CNBD1: variants seen among roughly 807,000 people sequenced by gnomAD.
The protein encoded by CNBD1 is cyclic nucleotide binding domain containing 1, also known as cyclic nucleotide-binding domain-containing protein 1.
A neutral mutation model predicts 54.4 loss-of-function variants in CNBD1; 71 were observed. The observed-to-expected ratio is 1.30, with a 90% confidence interval of 1.08 to 1.59. CNBD1 has a LOEUF of 1.59. Among genes scored for constraint, CNBD1 ranks in the 40% most tolerant of loss-of-function variants. CNBD1 has a pLI of 0.00. For missense variants in CNBD1, 659 were observed against 518.0 expected, an observed-to-expected ratio of 1.27 and a Z score of -2.64; for synonymous variants, 182 against 170.7, an observed-to-expected ratio of 1.07 and a Z score of -0.51.
chr8:87,410,991 T>G (rs1040592302), intron 2 of CNBD1, among the ~76,000 whole-genome samples: 1 of 152,150 alleles, frequency 6.6e-6, no homozygotes. Flanking sequence ...ATACTGCTAT[T>G]GCACTTAATA....
rs564531236 is a variant in CNBD1, at chr8:86,939,761, A to G, written c.431+7A>G. The G allele has an allele frequency of 2.0e-6, 3 of 1,470,538 alleles. No individual in the cohort carries two copies. In the East Asian group the frequency reaches 7.1e-5, roughly 35 times the overall value. The allele number at this position is 1,470,538 out of a possible 1,614,324, so 91.1% of individuals were successfully genotyped here. ...TAGCTATCTTAAAGAAATTGTAAGT[A>G]TTTAAAATATATTCCTTCTTCTAAT... On this transcript the variant is annotated splice_region_variant and intron_variant, in intron 4 of 10. Coordinates refer to ENST00000518476, the MANE Select transcript of CNBD1 (RefSeq NM_173538.3).
At chr8:87,088,981 A>C (rs1170144086) in intron 4 of CNBD1, among the ~76,000 whole-genome samples, 1 of 152,198 alleles carries the variant, frequency 6.6e-6, no homozygotes, top group Non-Finnish European at 1.5e-5. Flanking sequence ...TCAGAATACA[A>C]AGGAGAAGAG....
At chr8:87,247,269 G>A (rs1018970733) in intron 6 of CNBD1, among the ~76,000 whole-genome samples, 2 of 152,152 alleles carry the variant, frequency 1.3e-5, no homozygotes, top group Non-Finnish European at 2.9e-5. Context: ...CAAATGAGTT[G>A]CAGATCCATT....
chr8:86,964,512 G>T (rs1234702280), intron 4 of CNBD1, among the ~76,000 whole-genome samples: 1 of 152,194 alleles, frequency 6.6e-6, no homozygotes, highest in Non-Finnish European at 1.5e-5. Flanking sequence ...AGTTCAAATA[G>T]TTAGGTTAAG....
intron 8 of CNBD1, among the ~76,000 whole-genome samples, chr8:87,330,233 T>C (rs1205556736): frequency 6.7e-6 from 1 of 148,828 alleles, no homozygotes; most frequent in South Asian, 2.1e-4. Flanking sequence ...CCTTCTCTCT[T>C]TTTTTTTTTT....
rs1811358791 is a variant in CNBD1, at chr8:87,098,320, T to C, written c.432-107673T>C. Among the ~76,000 whole-genome samples the C allele has an allele frequency of 2.0e-5, 3 of 152,218 alleles. No individual in the cohort carries two copies. In the South Asian group the frequency reaches 6.2e-4, roughly 31 times the overall value. ...TAACTACACAAGGCACTGTGCCAAATATTTTAAATAAAATAGTGAACAAAA... is the reference window on the plus strand; with the variant it reads ...TAACTACACAAGGCACTGTGCCAAACATTTTAAATAAAATAGTGAACAAAA... On this transcript the variant is annotated intron_variant, in intron 4 of 10. Transcript: ENST00000518476.
intron 2 of CNBD1, among the ~76,000 whole-genome samples, chr8:87,388,725 G>C (rs1811245816): frequency 6.6e-6 from 1 of 152,188 alleles, no homozygotes; most frequent in African/African-American, 2.4e-5. Flanking sequence ...AATAGAAAAA[G>C]AGGGAATCCT....
Position 87,144,418 on chromosome 8 carries a change from C to A in CNBD1, c.432-61575C>A, listed in dbSNP as rs150953465. ...CAATGACTTCAGATATTGGAATGAT[C>A]AAATTTAAGATATAAATTACTTTGA... On this transcript the variant is annotated intron_variant, in intron 4 of 10. Coordinates refer to ENST00000518476, the MANE Select transcript of CNBD1 (RefSeq NM_173538.3). Among the ~76,000 whole-genome samples the A allele has an allele frequency of 2.8e-3, 422 of 151,926 alleles. 3 individuals are homozygous for A. Among genetic ancestry groups the A allele is most frequent in the African/African-American group, 9.1e-3 (377 of 41,448 alleles).
At chr8:87,376,890 C>A (rs1334304332) in intron 10 of CNBD1, among the ~76,000 whole-genome samples, 4 of 151,640 alleles carry the variant, frequency 2.6e-5, no homozygotes, top group Non-Finnish European at 5.9e-5. Context: ...AAAATCAGAA[C>A]CTTAGAAAGA....
At chr8:87,052,743 G>A (rs1165742969) in intron 4 of CNBD1, among the ~76,000 whole-genome samples, 2 of 152,144 alleles carry the variant, frequency 1.3e-5, no homozygotes, top group Non-Finnish European at 2.9e-5. Context: ...TTTCTCCACA[G>A]CAGTCAGGGT....
At chr8:87,274,152 T>C (rs1027880701) in intron 6 of CNBD1, among the ~76,000 whole-genome samples, 26 of 151,968 alleles carry the variant, frequency 1.7e-4, no homozygotes, top group Admixed American at 1.5e-3. Context: ...TGCCACATTT[T>C]CTTAATCCAG....
At chr8:87,266,654 G>T (rs1808265418) in intron 6 of CNBD1, among the ~76,000 whole-genome samples, 2 of 151,590 alleles carry the variant, frequency 1.3e-5, no homozygotes, top group South Asian at 4.2e-4. Flanking sequence ...TTCTCTCCAT[G>T]TTGGTCAGGC....
At chr8:87,376,736 C>A (rs1810948509) in intron 10 of CNBD1, among the ~76,000 whole-genome samples, 1 of 151,808 alleles carries the variant, frequency 6.6e-6, no homozygotes, top group Admixed American at 6.6e-5. Context: ...TTATTAAACC[C>A]ATTTTATAGG....
At chr8:87,381,085 C>T (rs1276084386) in intron 10 of CNBD1, among the ~76,000 whole-genome samples, 5 of 151,974 alleles carry the variant, frequency 3.3e-5, no homozygotes, top group African/African-American at 7.2e-5. Context: ...GAACCAATCA[C>T]CAGAGCAAAG....
At chr8:87,015,472 A>C (rs1399288129) in intron 4 of CNBD1, among the ~76,000 whole-genome samples, 4 of 152,110 alleles carry the variant, frequency 2.6e-5, no homozygotes, top group African/African-American at 7.2e-5. Flanking sequence ...GGCGTGATCC[A>C]TCATGCCCAG....
chr8:87,096,808 T>C lies in CNBD1; in HGVS notation c.432-109185T>C, dbSNP rs934667670. On this transcript the variant is annotated intron_variant, in intron 4 of 10. Coordinates refer to ENST00000518476, the MANE Select transcript of CNBD1 (RefSeq NM_173538.3). Reference sequence around the variant, plus strand: ...GACTCTGCTCATTTTTCTTCCCTTTTTTTTTTTTTACCTTTTCCTCTCCAC... The same window carrying C: ...GACTCTGCTCATTTTTCTTCCCTTTCTTTTTTTTTACCTTTTCCTCTCCAC... Among the ~76,000 whole-genome samples, 3 of 152,078 alleles carry C rather than the reference T, an allele frequency of 2.0e-5. No individual in the cohort carries two copies. The South Asian group carries it at 6.2e-4, about 31-fold the overall frequency.
At position 87,351,808 on chromosome 8, in the gene CNBD1, A is replaced by T; in HGVS notation, c.1152+14A>T. The T allele has an allele frequency of 2.1e-6, 3 of 1,458,416 alleles. No individual in the cohort carries two copies. The highest frequency in any genetic ancestry group is 2.7e-6 in the Non-Finnish European group (3 of 1,107,836). 90.3% of individuals were successfully genotyped at this position (1,458,416 alleles called of 1,614,324 possible). Reference sequence around the variant, plus strand: ...TCAAATAAAGTGGTAAGTTTTCAACATGTATTCTTTTTAATCAATTAATCT... The same window carrying T: ...TCAAATAAAGTGGTAAGTTTTCAACTTGTATTCTTTTTAATCAATTAATCT... On this transcript the variant is annotated intron_variant, in intron 9 of 10. Coordinates refer to ENST00000518476, the MANE Select transcript of CNBD1 (RefSeq NM_173538.3).
chr8:87,170,845 T>G (rs1250965969), intron 4 of CNBD1, among the ~76,000 whole-genome samples: 1 of 152,192 alleles, frequency 6.6e-6, no homozygotes. Context: ...TAACCATTCT[T>G]GCATCCCTGG....
chr8:87,116,420 C>A (rs1270138752), intron 4 of CNBD1, among the ~76,000 whole-genome samples: 2 of 151,930 alleles, frequency 1.3e-5, no homozygotes, highest in African/African-American at 2.4e-5. Context: ...CACTGTGTTG[C>A]CCAGGCTGGT....
Sources: allele counts gnomAD v4.1 joint callset (sites outside exome capture counted in the v4.1 genomes callset), GRCh38; gene constraint gnomAD v4.1.1; transcripts MANE v1.5; gene names NCBI Gene and HGNC (gene_info 2026-07-23, HGNC 2026-07-21).